The following TMEFF2 variants were observed in gnomAD, a reference collection of about 807,000 sequenced individuals.
TMEFF2 encodes the protein tomoregulin-2.
A neutral mutation model predicts 53.8 loss-of-function variants in TMEFF2; 28 were observed. The observed-to-expected ratio is 0.52, with a 90% CI of 0.39 to 0.71. TMEFF2 has a LOEUF of 0.71. Among genes scored for constraint, TMEFF2 ranks in the 30% least tolerant of loss-of-function variants. The pLI is 0.00. For missense variants in TMEFF2, 353 were observed against 455.2 expected (o/e 0.78, Z 2.04); for synonymous variants, 162 against 166.3 (o/e 0.97, Z 0.20).
chr2:192,125,508 G>A (rs1689655487), intron 4 of TMEFF2, among the ~76,000 whole-genome samples: 1 of 152,066 alleles, frequency 6.6e-6, no homozygotes, highest in South Asian at 2.1e-4. Context: ...TAAATTTAAA[G>A]TGAAGCTAAC....
At chr2:192,001,473 G>C (rs1686357374) in intron 5 of TMEFF2, among the ~76,000 whole-genome samples, 1 of 152,020 alleles carries the variant, frequency 6.6e-6, no homozygotes, top group Non-Finnish European at 1.5e-5. Context: ...TAGACAGAAA[G>C]TAATTGGCAG....
chr2:192,135,551 C>G (rs922009131), intron 4 of TMEFF2, among the ~76,000 whole-genome samples: 3 of 152,152 alleles, frequency 2.0e-5, no homozygotes, highest in Non-Finnish European at 4.4e-5. Context: ...CATGCTGCCC[C>G]TAATCCCGCT....
chr2:192,132,466 T>C (rs1008104254), intron 4 of TMEFF2, among the ~76,000 whole-genome samples: 10 of 152,072 alleles, frequency 6.6e-5, no homozygotes, highest in African/African-American at 2.4e-4. Context: ...TTACCCAATC[T>C]GCTCCTGACA....
intron 5 of TMEFF2, among the ~76,000 whole-genome samples, chr2:192,055,984 A>G (rs1260006628): frequency 6.6e-6 from 1 of 152,126 alleles, no homozygotes; most frequent in Non-Finnish European, 1.5e-5. Context: ...TTGGCTATTC[A>G]AAGGCAGTGT....
chr2:191,985,309 C>T (rs1559072497), intron 7 of TMEFF2, among the ~76,000 whole-genome samples: 1 of 151,964 alleles, frequency 6.6e-6, no homozygotes, highest in Non-Finnish European at 1.5e-5. Context: ...GATAATTTGT[C>T]CCAAGTATTT....
At chr2:192,178,223 G>T (rs759064984) in intron 4 of TMEFF2, 1 of 150,540 alleles carries the variant, frequency 6.6e-6, no homozygotes, top group Non-Finnish European at 1.5e-5. Flanking sequence ...CCTTACAAAA[G>T]CAACATTTTA....
chr2:192,169,209 T>C (rs988257732), intron 4 of TMEFF2, among the ~76,000 whole-genome samples: 1 of 152,106 alleles, frequency 6.6e-6, no homozygotes, highest in Admixed American at 6.6e-5. Flanking sequence ...ATGAGAGACA[T>C]GTAGTCCAAC....
intron 4 of TMEFF2, among the ~76,000 whole-genome samples, chr2:192,143,454 A>ATTAT (rs1285941582): frequency 6.6e-6 from 1 of 152,126 alleles, no homozygotes; most frequent in Non-Finnish European, 1.5e-5. Flanking sequence ...ATATTTATAA[A>ATTAT]TTATTTATTT....
At chr2:191,981,339 T>G (rs1425400887) in intron 7 of TMEFF2, among the ~76,000 whole-genome samples, 2 of 151,750 alleles carry the variant, frequency 1.3e-5, no homozygotes, top group Admixed American at 1.3e-4. Flanking sequence ...TATAACATTT[T>G]TTCTCTTCTC....
intron 4 of TMEFF2, among the ~76,000 whole-genome samples, chr2:192,170,611 A>G (rs149664006): frequency 1.4e-3 from 214 of 152,190 alleles, no homozygotes; most frequent in Middle Eastern, 3.4e-3. Flanking sequence ...AAAAAGTTCA[A>G]CTTTATAGGA....
chr2:192,011,910 A>G (rs1686635788), intron 5 of TMEFF2, among the ~76,000 whole-genome samples: 1 of 151,934 alleles, frequency 6.6e-6, no homozygotes, highest in African/African-American at 2.4e-5. Context: ...TTTTTGAGAC[A>G]GCGTCTCGCT....
In TMEFF2 at chr2:192,168,593, T is replaced by C. The variant is rs540743136; in HGVS notation, c.439+11075A>G. 5.3e-5 allele frequency among the ~76,000 whole-genome samples: 8 copies of C among 152,254 alleles called. No homozygotes were observed. In the South Asian group the frequency reaches 1.7e-3, roughly 32 times the overall value. ...TTCATATACTGGTATTAGATGACTC[T>C]CAGGCTAAGCTTGCAAACCATTTTT... On this transcript the variant is annotated intron_variant, in intron 4 of 9. Transcript: ENST00000272771.
intron 4 of TMEFF2, among the ~76,000 whole-genome samples, chr2:192,100,205 C>A (rs905021586): frequency 2.0e-5 from 3 of 152,116 alleles, no homozygotes; most frequent in African/African-American, 4.8e-5. Context: ...AAATACACTG[C>A]GCACATTTCA....
intron 4 of TMEFF2, among the ~76,000 whole-genome samples, chr2:192,064,890 T>C (rs796610039): frequency 1.3e-5 from 2 of 151,944 alleles, no homozygotes; most frequent in African/African-American, 4.8e-5. Context: ...ACTTTAGTTA[T>C]CAAAGCAAGG....
chr2:192,109,163 G>A (rs1348548785), intron 4 of TMEFF2, among the ~76,000 whole-genome samples: 2 of 151,924 alleles, frequency 1.3e-5, no homozygotes, highest in Non-Finnish European at 2.9e-5. Context: ...TAGTTAAAAT[G>A]GCAAATTTTA....
At chr2:191,978,102 C>A (rs1458043965) in intron 7 of TMEFF2, among the ~76,000 whole-genome samples, 2 of 152,208 alleles carry the variant, frequency 1.3e-5, no homozygotes, top group Middle Eastern at 3.4e-3. Flanking sequence ...TGAACATGTT[C>A]TTTTGATACG....
chr2:192,054,083 C>T (rs1265513119), intron 5 of TMEFF2, among the ~76,000 whole-genome samples: 1 of 151,688 alleles, frequency 6.6e-6, no homozygotes, highest in African/African-American at 2.4e-5. Flanking sequence ...CCCCTACAGC[C>T]CTCTAATCTT....
chr2:191,973,483 A>G (rs978363094), intron 7 of TMEFF2, among the ~76,000 whole-genome samples: 9 of 149,074 alleles, frequency 6.0e-5, no homozygotes, highest in African/African-American at 1.5e-4. Context: ...ATACATGCAT[A>G]CATATATATT....
At chr2:191,964,847 A>G (rs964293308) in intron 7 of TMEFF2, among the ~76,000 whole-genome samples, 2 of 151,876 alleles carry the variant, frequency 1.3e-5, no homozygotes, top group Non-Finnish European at 2.9e-5. Flanking sequence ...AGCCATCACA[A>G]TCTCTCAGTA....
Sources: allele counts gnomAD v4.1 joint callset (sites outside exome capture counted in the v4.1 genomes callset), GRCh38; gene constraint gnomAD v4.1.1; transcripts MANE v1.5; gene names NCBI Gene and HGNC (gene_info 2026-07-23, HGNC 2026-07-21).